NTM: variants seen among roughly 807,000 people sequenced by gnomAD.
The protein encoded by NTM is neurotrimin.
In NTM, 13 loss-of-function variants were observed where a neutral mutation model predicts 42.1. That is an observed-to-expected ratio of 0.31 (90% CI 0.20 to 0.49). NTM has a LOEUF of 0.49. Ranked by LOEUF, NTM falls within the 20% of genes least tolerant of loss-of-function variation. NTM has a pLI of 0.99. For synonymous variants in NTM, 187 were observed against 179.2 expected (o/e 1.04, Z -0.35); for missense variants, 373 against 452.8 (o/e 0.82, Z 1.60).
intron 1 of NTM, among the ~76,000 whole-genome samples, chr11:131,695,420 A>G (rs2075330271): frequency 6.6e-6 from 1 of 152,174 alleles, no homozygotes; most frequent in African/African-American, 2.4e-5. Context: ...GTTTTCATAC[A>G]GATTGTCTCA....
chr11:131,692,141 C>T (rs548845591), intron 1 of NTM, among the ~76,000 whole-genome samples: 3 of 152,326 alleles, frequency 2.0e-5, no homozygotes, highest in Non-Finnish European at 4.4e-5. Flanking sequence ...TTCTCTTGTC[C>T]TTCCACTCTA....
intron 1 of NTM, among the ~76,000 whole-genome samples, chr11:131,861,248 T>G (rs182009825): frequency 3.9e-5 from 6 of 152,344 alleles, no homozygotes; most frequent in South Asian, 4.1e-4. Context: ...AAGAAGGCTG[T>G]ACGGTCCTAT....
chr11:131,928,027 T>C (rs1477978366), intron 2 of NTM, among the ~76,000 whole-genome samples: 3 of 152,110 alleles, frequency 2.0e-5, no homozygotes, highest in African/African-American at 4.8e-5. Flanking sequence ...ACCTAATCTC[T>C]CTGAGCCTTT....
chr11:131,508,799 A>T (rs2047846143), intron 1 of NTM, among the ~76,000 whole-genome samples: 1 of 148,078 alleles, frequency 6.8e-6, no homozygotes, highest in Non-Finnish European at 1.5e-5. Flanking sequence ...AAAACCAAAC[A>T]CCGCATATTC....
chr11:131,882,660 G>C (rs1235304013), intron 1 of NTM, among the ~76,000 whole-genome samples: 1 of 151,918 alleles, frequency 6.6e-6, no homozygotes, highest in Non-Finnish European at 1.5e-5. Context: ...CTTCCATGAT[G>C]GGAGAAGTTG....
intron 2 of NTM, among the ~76,000 whole-genome samples, chr11:132,102,524 G>A (rs1221773210): frequency 1.3e-5 from 2 of 152,208 alleles, no homozygotes; most frequent in Non-Finnish European, 1.5e-5. Flanking sequence ...TCTCAGGGTG[G>A]TGAGAAGAGA....
At chr11:131,906,881 T>C (rs776849833) in intron 1 of NTM, among the ~76,000 whole-genome samples, 4 of 152,206 alleles carry the variant, frequency 2.6e-5, no homozygotes, top group African/African-American at 4.8e-5. Flanking sequence ...TCCTAACATG[T>C]TGGACTATAG....
chr11:131,689,559 C>T (rs1261678724), intron 1 of NTM, among the ~76,000 whole-genome samples: 1 of 152,180 alleles, frequency 6.6e-6, no homozygotes, highest in Non-Finnish European at 1.5e-5. Context: ...GCTTTTGGCC[C>T]CATTGCCCTG....
intron 1 of NTM, among the ~76,000 whole-genome samples, chr11:131,654,161 G>C (rs1308318298): frequency 6.6e-6 from 1 of 152,172 alleles, no homozygotes; most frequent in Non-Finnish European, 1.5e-5. Flanking sequence ...CATTTTTAAA[G>C]GCATAAAGTC....
At chr11:131,650,947 T>C (rs1385518282) in intron 1 of NTM, among the ~76,000 whole-genome samples, 1 of 152,220 alleles carries the variant, frequency 6.6e-6, no homozygotes, top group Non-Finnish European at 1.5e-5. Flanking sequence ...ATAAGTTACA[T>C]ATAAATTTAA....
rs1293271119 is a variant in NTM at position 131,681,200 on chromosome 11, AGT to A, written c.83-230357_83-230356del. ...GTCTGTATGTCTCCCTGTGTATGTG[AGT>A]GTGTGTTTCTGTGTCTGTGTGTATG... On this transcript the variant is annotated intron_variant, in intron 1 of 8. Transcript: ENST00000683400. 9.5e-3 allele frequency among the ~76,000 whole-genome samples: 241 copies of A among 25,442 alleles called. 39 individuals carry two copies. Among genetic ancestry groups the A allele is most frequent in the African/African-American group, 0.025 (221 of 8,872 alleles). The allele number at this position is 25,442 out of a possible 152,430, so 16.7% of individuals were successfully genotyped here.
chr11:132,266,508 T>C (rs765591760), intron 4 of NTM, among the ~76,000 whole-genome samples: 7 of 152,180 alleles, frequency 4.6e-5, no homozygotes, highest in Non-Finnish European at 8.8e-5. Context: ...AATATAACTC[T>C]AGGTAGAGCC....
chr11:131,796,104 A>G, intron 1 of NTM: 2 of 985,464 alleles, frequency 2.0e-6, no homozygotes, highest in Non-Finnish European at 2.4e-6. Context: ...CCCGGGGGAA[A>G]TCTAGGGAAC....
intron 2 of NTM, among the ~76,000 whole-genome samples, chr11:132,039,073 G>A (rs996038619): frequency 1.3e-5 from 2 of 152,164 alleles, no homozygotes; most frequent in Non-Finnish European, 2.9e-5. Flanking sequence ...TTTGTGCCAG[G>A]TAATCCCTCT....
intron 1 of NTM, among the ~76,000 whole-genome samples, chr11:131,724,620 G>A (rs946115032): frequency 6.6e-6 from 1 of 152,186 alleles, no homozygotes. Context: ...CCCACTACAG[G>A]TCTTGGATTA....
intron 2 of NTM, among the ~76,000 whole-genome samples, chr11:131,991,372 TC>T (rs1340327751): frequency 3.3e-5 from 5 of 152,314 alleles, no homozygotes; most frequent in African/African-American, 1.2e-4. Flanking sequence ...TATCCTTTTC[TC>T]CCTTTGACAT....
chr11:132,002,253 T>C lies in NTM; in HGVS notation c.167+90605T>C, dbSNP rs1014144331. On this transcript the variant is annotated intron_variant, in intron 2 of 8. Transcript: ENST00000683400. The surrounding 1 kb of genome is among the most constrained non-coding windows in gnomAD (Gnocchi z 4.5). The stretch of plus-strand genomic sequence containing the variant: ...TTGGTATTTGGCTGGACTTGTCTTG[T>C]GAGCTATTTGTGGCAGCTTTACTGT... 1.3e-5 allele frequency among the ~76,000 whole-genome samples: 2 copies of C among 152,238 alleles called. No homozygotes were observed. Among genetic ancestry groups the C allele is most frequent in the Non-Finnish European group, 2.9e-5 (2 of 68,038 alleles).
chr11:132,289,405 A>G (rs2094375002), intron 4 of NTM, among the ~76,000 whole-genome samples: 1 of 152,176 alleles, frequency 6.6e-6, no homozygotes, highest in Non-Finnish European at 1.5e-5. Context: ...GTTCCACACA[A>G]GTTCAGAGTG....
At chr11:131,705,016 G>C (rs2076454369) in intron 1 of NTM, among the ~76,000 whole-genome samples, 1 of 152,126 alleles carries the variant, frequency 6.6e-6, no homozygotes, top group South Asian at 2.1e-4. Flanking sequence ...CATTATAGGA[G>C]TTTAAGAAGG....
Sources: gnomAD v4.1 joint callset for allele counts (sites outside exome capture counted in the v4.1 genomes callset) on GRCh38, gnomAD v4.1.1 for gene constraint, Gnocchi (gnomAD v3.1) non-coding constraint, MANE v1.5 for transcripts, NCBI Gene and HGNC (gene_info 2026-07-23, HGNC 2026-07-21) for gene names.